The following SYNE1 variants were observed in gnomAD, a reference collection of about 807,000 sequenced individuals.
The protein encoded by SYNE1 is spectrin repeat containing nuclear envelope protein 1, also known as nesprin-1.
In SYNE1, 616 loss-of-function variants were observed where a neutral mutation model predicts 1,111.0. The observed-to-expected ratio is 0.55, with a 90% CI of 0.52 to 0.59. SYNE1 has a LOEUF of 0.59. SYNE1 is among the 20% of genes least tolerant of loss of function. The pLI, the probability that SYNE1 is intolerant of heterozygous loss-of-function variation, is 0.00. For missense variants in SYNE1, 10,006 were observed against 10,417.0 expected (o/e 0.96, Z 1.72); for synonymous variants, 3,855 against 3,825.8 (o/e 1.01, Z -0.28).
intron 126 of SYNE1, among the ~76,000 whole-genome samples, chr6:152,203,081 A>G (rs1043451690): frequency 6.6e-6 from 1 of 152,212 alleles, no homozygotes; most frequent in African/African-American, 2.4e-5. Context: ...TAAAACATCT[A>G]TTGTGTGGTT....
In SYNE1 at chr6:152,318,868, G is replaced by T; in HGVS notation, c.16384C>A (p.Gln5462Lys). 6.2e-7 allele frequency: 1 copy of T among 1,614,050 alleles called. No individual in the cohort carries two copies. Among genetic ancestry groups the T allele is most frequent in the Non-Finnish European group, 8.5e-7 (1 of 1,179,980 alleles). ...TTTAAAATTCTACTTCTTACCTTTT[G>T]GTCAGTTTTAGCTTGAACTACATTA... is the stretch of plus-strand genomic sequence containing the variant. ...TDNVVQAKTD[Q>K]KVLGEELDGC... Residue 5462 changes from glutamine (Q) to lysine (K), a missense_variant, in exon 85 of 146, where the codon CAA (glutamine) becomes AAA (lysine). This residue lies in a region of SYNE1 where 4,955 missense variants were observed against 5,017.2 expected (regional missense o/e 0.99). Transcript: ENST00000367255.
intron 9 of SYNE1, among the ~76,000 whole-genome samples, chr6:152,503,505 G>A (rs1353336700): frequency 2.6e-5 from 4 of 152,102 alleles, no homozygotes; most frequent in Non-Finnish European, 5.9e-5. Context: ...TAAGTAAAAC[G>A]TGTTGTAAAC....
At chr6:152,158,012 C>T (rs555007348) in intron 131 of SYNE1, among the ~76,000 whole-genome samples, 1 of 152,272 alleles carries the variant, frequency 6.6e-6, no homozygotes, top group African/African-American at 2.4e-5. Flanking sequence ...CCACCTCGGC[C>T]TCCCAAAGTG....
At chr6:152,293,919 G>A (rs2094732009) in intron 94 of SYNE1, 41 bp downstream of exon 94, 3 of 1,613,164 alleles carry the variant, frequency 1.9e-6, no homozygotes, top group African/African-American at 1.3e-5. Flanking sequence ...TAAGGTTACT[G>A]GTGTCTGGTG....
intron 6 of SYNE1, among the ~76,000 whole-genome samples, chr6:152,513,812 G>T (rs1233250279): frequency 6.6e-6 from 1 of 152,118 alleles, no homozygotes; most frequent in Admixed American, 6.6e-5. Flanking sequence ...ATCAAAAAGT[G>T]GGCAAAGGAT....
chr6:152,387,748 T>G (rs1308989333), intron 53 of SYNE1, among the ~76,000 whole-genome samples: 1 of 152,174 alleles, frequency 6.6e-6, no homozygotes, highest in East Asian at 1.9e-4. Flanking sequence ...AGTTCTTAAT[T>G]TTCTTGGAAT....
rs115219629 is a variant in SYNE1, at chr6:152,151,874, C to T, written c.24312+85G>A. ...TCCTGCCATCCCATTCTTACAAAAT[C>T]ACTGAGACTGTGTCTCAAGACTGCA... On this transcript the variant is annotated intron_variant, in intron 134 of 145. Transcript: ENST00000367255. The T allele has an allele frequency of 6.1e-4, 935 of 1,537,296 alleles. 9 individuals are homozygous for T. In the African/African-American group the frequency reaches 0.011, roughly 19 times the overall value.
rs577804095 is a variant in SYNE1 at position 152,269,251 on chromosome 6, G to A, written c.18609C>T (p.Asp6203=). ...CGCCGGGGCTCTGCGTGGCTGTTAG[G>A]TCAACATCGCTCTCCTCCTTCTCCT... The part of the protein sequence containing the change: ...TAQEKEESDV[D]LTATQSPGVQ... The change falls in exon 99 of 146, where the codon GAC becomes GAT. Residue 6203 remains aspartate, a synonymous_variant. Transcript: ENST00000367255. The A allele has an allele frequency of 3.3e-5, 54 of 1,614,172 alleles. No individual in the cohort carries two copies. In the East Asian group the frequency reaches 1.2e-3, roughly 35 times the overall value.
At chr6:152,546,384 C>G (rs2099313146) in intron 3 of SYNE1, 1 of 152,128 alleles carries the variant, frequency 6.6e-6, no homozygotes, top group Non-Finnish European at 1.5e-5. Context: ...TGCCTCTTCT[C>G]TTAGGAGGTG....
At chr6:152,138,492 T>C (rs558797339) in intron 140 of SYNE1, among the ~76,000 whole-genome samples, 3 of 150,972 alleles carry the variant, frequency 2.0e-5, no homozygotes, top group Non-Finnish European at 2.9e-5. Flanking sequence ...GCCTGGGTGA[T>C]AGAGTGAGAC....
rs780884825 is a variant in SYNE1 at position 152,233,897 on chromosome 6, G to C, written c.20596C>G (p.Leu6866Val). The change falls in exon 112 of 146, where the codon CTC (leucine) becomes GTC (valine). Residue 6866 changes from leucine (L) to valine (V), a missense_variant. Physicochemically the swap from Leu to Val is conservative, Grantham distance 32 (BLOSUM62 1). Coordinates refer to ENST00000367255, the MANE Select transcript of SYNE1 (RefSeq NM_182961.4). ...KSSVLSTGNQLLRLKKVDTAT... is the reference protein window; with the variant it reads ...KSSVLSTGNQVLRLKKVDTAT... ...GTGTCCACCTTTTTTAGTCGAAGGA[G>C]CTGATTTCCAGTACTCAGAACAGAT... 6 of 1,614,184 alleles carry C rather than the reference G, an allele frequency of 3.7e-6. No homozygotes were observed. In the South Asian group the frequency reaches 5.5e-5, roughly 15 times the overall value.
chr6:152,542,574 T>C (rs115771956), intron 3 of SYNE1, among the ~76,000 whole-genome samples: 1 of 152,218 alleles, frequency 6.6e-6, no homozygotes, highest in African/African-American at 2.4e-5. Context: ...ATAATGCCCA[T>C]TTTACATATA....
intron 126 of SYNE1, among the ~76,000 whole-genome samples, chr6:152,204,362 T>C (rs1388341723): frequency 7.6e-6 from 1 of 131,692 alleles, no homozygotes; most frequent in Non-Finnish European, 1.5e-5. Context: ...GGAGACTCTA[T>C]GTCAAAAAAA....
In SYNE1 at chr6:152,168,354, G is replaced by A. The variant is rs1200332069; in HGVS notation, c.23628-4029C>T. 1.4e-5 allele frequency: 8 copies of A among 587,584 alleles called. No homozygotes were observed. In the Admixed American group the frequency reaches 2.4e-4, roughly 18 times the overall value. 36.4% of individuals were successfully genotyped at this position (587,584 alleles called of 1,614,324 possible). A position where few individuals can be genotyped will look rare whatever the true frequency, so the allele number is the denominator to read the frequency against. On this transcript the variant is annotated intron_variant, in intron 130 of 145. Coordinates refer to ENST00000367255, the MANE Select transcript of SYNE1 (RefSeq NM_182961.4). ...TCTCTGCCCGATAACATGACACTGG[G>A]CAGTGACAAGTGGTCATGTTTCTAA...
At chr6:152,363,368 C>G (rs1263198430) in intron 63 of SYNE1, among the ~76,000 whole-genome samples, 1 of 149,896 alleles carries the variant, frequency 6.7e-6, no homozygotes, top group Non-Finnish European at 1.5e-5. Context: ...GTGGCGGGCG[C>G]CTGTAGTACC....
At chr6:152,378,360 C>T (rs2097333703) in intron 56 of SYNE1, among the ~76,000 whole-genome samples, 1 of 152,180 alleles carries the variant, frequency 6.6e-6, no homozygotes, top group Admixed American at 6.5e-5. Flanking sequence ...GTGCTTCATT[C>T]CTCGTCCTGG....
intron 143 of SYNE1, 126 bp from the exon 144 acceptor site, chr6:152,132,340 T>G: frequency 1.3e-5 from 11 of 823,798 alleles, no homozygotes; most frequent in African/African-American, 1.7e-5. Context: ...AATCAAACCA[T>G]TCCTTGGGGA....
chr6:152,324,474 T>C (rs894662447), intron 81 of SYNE1, among the ~76,000 whole-genome samples: 3 of 151,656 alleles, frequency 2.0e-5, no homozygotes, highest in African/African-American at 7.3e-5. Flanking sequence ...AAAGAAAAAG[T>C]ATCTCATTCT....
chr6:152,128,228 C>G (rs1390064383), intron 145 of SYNE1: 1 of 152,186 alleles, frequency 6.6e-6, no homozygotes, highest in African/African-American at 2.4e-5. Flanking sequence ...GCTTTGAAAG[C>G]ATGCTTCTAA....
Sources: allele counts gnomAD v4.1 joint callset (sites outside exome capture counted in the v4.1 genomes callset), GRCh38; gene constraint gnomAD v4.1.1; regional missense constraint gnomAD v4.1.1; transcripts MANE v1.5; gene names NCBI Gene and HGNC (gene_info 2026-07-23, HGNC 2026-07-21).